The following RTL5 variants were observed in gnomAD, a reference collection of about 807,000 sequenced individuals.
The protein encoded by RTL5 is retrotransposon Gag-like protein 5.
A neutral mutation model predicts 7.7 loss-of-function variants in RTL5; 8 were observed. The observed-to-expected ratio is 1.04, with a 90% CI of 0.61 to 1.88. The LOEUF is 1.88. Ranked by LOEUF, RTL5 falls within the 40% of genes most tolerant of loss-of-function variation. RTL5 has a pLI of 0.00. For missense variants in RTL5, 457 were observed against 472.7 expected, an observed-to-expected ratio of 0.97 and a Z score of 0.31; for synonymous variants, 188 against 191.8, an observed-to-expected ratio of 0.98 and a Z score of 0.16.
chrX:72,129,962 T>C (rs757730444), exon 1 of RTL5: 38 of 1,209,014 alleles, frequency 3.1e-5, no homozygotes, highest in Non-Finnish European at 4.0e-5. Context: ...TGGGGGGAGC[T>C]GTAGAATGGT....
At chrX:72,131,796 C>T (rs111377644) in exon 1 of RTL5, 152,066 of 226,213 alleles carry the variant, frequency 0.67, 40,767 homozygotes, top group Non-Finnish European at 0.81. Context: ...GCACGGGGCC[C>T]GGAGGCGCCA....
chrX:72,127,738 A>G (rs182450813), exon 1 of RTL5: 2 of 113,030 alleles, frequency 1.8e-5, no homozygotes, highest in Admixed American at 1.9e-4. Flanking sequence ...TTTTCTTTAC[A>G]AAGTTGTTTA....
chrX:72,131,398 C>T (rs752041010), exon 1 of RTL5: 1 of 1,211,149 alleles, frequency 8.3e-7, no homozygotes, highest in Middle Eastern at 2.3e-4. Context: ...GGAGACATTG[C>T]CCCGCAAGGA....
chrX:72,129,241 C>T (rs1013088054), exon 1 of RTL5: 4 of 113,860 alleles, frequency 3.5e-5, no homozygotes, highest in Middle Eastern at 4.2e-3. Flanking sequence ...GGCTAGATGT[C>T]GGGTCCTCTT....
exon 1 of RTL5, chrX:72,130,908 GCTT>G (rs2042286935): frequency 8.3e-7 from 1 of 1,211,910 alleles, no homozygotes; most frequent in Non-Finnish European, 1.1e-6. Flanking sequence ...CATGCAAGGG[GCTT>G]CCTTCCTGGG....
chrX:72,131,743 G>A (rs1238280966), exon 1 of RTL5: 5 of 297,107 alleles, frequency 1.7e-5, no homozygotes, highest in Non-Finnish European at 1.7e-5. Flanking sequence ...GCTCGGCCCA[G>A]GGCGCGTTAC....
chrX:72,131,646 G>A lies in RTL5; in HGVS notation c.-106C>T, dbSNP rs191588371. Reference sequence around the variant, plus strand: ...GCGGCGGCGGGGCTCGGGAGGGACCGAAGTGCGGCAGCGGGGCACGGGCCA... The same window carrying A: ...GCGGCGGCGGGGCTCGGGAGGGACCAAAGTGCGGCAGCGGGGCACGGGCCA... On this transcript the variant is annotated 5_prime_UTR_variant, in exon 1 of 1. Coordinates refer to ENST00000609883, the Ensembl canonical transcript of RTL5. 1,179 of 826,800 alleles carry A rather than the reference G, an allele frequency of 1.4e-3. 5 individuals are homozygous for A. In the African/African-American group the frequency reaches 0.022, roughly 15 times the overall value. 68.1% of individuals were successfully genotyped at this position (826,800 alleles called of 1,213,427 possible). A position where few individuals can be genotyped will look rare whatever the true frequency, so the allele number is the denominator to read the frequency against.
exon 1 of RTL5, chrX:72,130,268 C>T: frequency 1.7e-6 from 2 of 1,205,767 alleles, no homozygotes; most frequent in Non-Finnish European, 2.2e-6. Context: ...TCATCTTCAT[C>T]TTCTTCATCC....
At chrX:72,130,288 C>G in exon 1 of RTL5, 1 of 1,197,004 alleles carries the variant, frequency 8.4e-7, no homozygotes, top group Non-Finnish European at 1.1e-6. Flanking sequence ...CTTACTCTCT[C>G]CTTCCTCCTC....
At chrX:72,129,562 C>T in exon 1 of RTL5, 1 of 338,923 alleles carries the variant, frequency 3.0e-6, no homozygotes, top group Non-Finnish European at 5.1e-6. Flanking sequence ...CAGAAACTTG[C>T]TCTCCAGCTC....
exon 1 of RTL5, chrX:72,130,810 A>G: frequency 8.3e-7 from 1 of 1,211,488 alleles, no homozygotes; most frequent in Non-Finnish European, 1.1e-6. Context: ...GCCCTGCTTG[A>G]GCTTGCGAAT....
exon 1 of RTL5, chrX:72,131,215 T>G (rs1240489363): frequency 8.3e-7 from 1 of 1,198,087 alleles, no homozygotes; most frequent in East Asian, 3.0e-5. Flanking sequence ...GCTGCGATCC[T>G]GGATCACGTT....
chrX:72,131,319 A>G (rs1231890169), exon 1 of RTL5: 17 of 1,200,986 alleles, frequency 1.4e-5, no homozygotes, highest in Non-Finnish European at 1.9e-5. Flanking sequence ...CTTCGATCTC[A>G]CTGAGCGCGA....
exon 1 of RTL5, chrX:72,131,257 T>C: frequency 2.5e-6 from 3 of 1,197,771 alleles, no homozygotes; most frequent in Non-Finnish European, 3.4e-6. Context: ...ACAGTCGGGC[T>C]CCGCGCGTGG....
At chrX:72,128,182 G>C (rs780286693) in exon 1 of RTL5, 1 of 112,073 alleles carries the variant, frequency 8.9e-6, no homozygotes, top group Non-Finnish European at 1.9e-5. Flanking sequence ...GATGAATAGA[G>C]ACCTCACCAG....
chrX:72,130,278 C>G, exon 1 of RTL5: 20 of 1,203,045 alleles, frequency 1.7e-5, no homozygotes, highest in Non-Finnish European at 2.3e-5. Context: ...CTTCTTCATC[C>G]TTACTCTCTC....
chrX:72,128,708 C>G (rs1464636972), exon 1 of RTL5: 1 of 112,623 alleles, frequency 8.9e-6, no homozygotes, highest in African/African-American at 3.2e-5. Flanking sequence ...ACTAAGGGTT[C>G]CTTGAAATTG....
chrX:72,130,070 C>A lies in RTL5; in HGVS notation c.1471G>T (p.Glu491Ter). 1 of 1,211,126 alleles carries A rather than the reference C, an allele frequency of 8.3e-7. No individual in the cohort carries two copies. The highest frequency in any genetic ancestry group is 1.1e-6 in the Non-Finnish European group (1 of 895,229). The stretch of plus-strand genomic sequence containing the variant: ...GGAGGTGATGCACCCAGGAAGTTTT[C>A]GGCGTGGTAACCACTTGTGGGGCCA... Residue 491 changes from glutamate (E) to a stop codon, truncating the protein, a stop_gained, in exon 1 of 1, where the codon GAA (glutamate) becomes TAA (stop). Transcript: ENST00000609883. LOFTEE classifies it high-confidence loss of function.
exon 1 of RTL5, chrX:72,130,085 T>C: frequency 8.3e-7 from 1 of 1,211,163 alleles, no homozygotes; most frequent in African/African-American, 1.7e-5. Flanking sequence ...TGGTAACCAC[T>C]TGTGGGGCCA....
Sources: gnomAD v4.1 joint callset for allele counts on GRCh38, gnomAD v4.1.1 for gene constraint, MANE v1.5 for transcripts, NCBI Gene and HGNC (gene_info 2026-07-23, HGNC 2026-07-21) for gene names.